CYB5D2: variants seen among roughly 807,000 people sequenced by gnomAD.
CYB5D2 encodes neuferricin.
Under a neutral mutation model 22.8 loss-of-function variants are expected in CYB5D2, and 23 were observed. The observed-to-expected ratio is 1.01, with a 90% CI of 0.73 to 1.43. The LOEUF is 1.43. Ranked by LOEUF, CYB5D2 falls within the 40% of genes most tolerant of loss-of-function variation. CYB5D2 has a pLI of 0.00. For missense variants in CYB5D2, 373 were observed against 357.2 expected, an observed-to-expected ratio of 1.04 and a Z score of -0.36; for synonymous variants, 170 against 152.2, an observed-to-expected ratio of 1.12 and a Z score of -0.86.
chr17:4,147,035 A>G (rs1420385329), intron 1 of CYB5D2, among the ~76,000 whole-genome samples: 1 of 152,202 alleles, frequency 6.6e-6, no homozygotes, highest in African/African-American at 2.4e-5. Context: ...CATTTTATCT[A>G]TCAGTTGATG....
At chr17:4,144,689 G>A (rs1320239174) in intron 1 of CYB5D2, among the ~76,000 whole-genome samples, 1 of 152,210 alleles carries the variant, frequency 6.6e-6, no homozygotes, top group Admixed American at 6.5e-5. Flanking sequence ...TTAAGTTTAT[G>A]CTGGTGTCCC....
intron 1 of CYB5D2, 151 bp downstream of exon 1, chr17:4,144,156 C>T: frequency 3.6e-6 from 4 of 1,117,584 alleles, no homozygotes; most frequent in Non-Finnish European, 3.7e-6. Context: ...GAGCTGCATG[C>T]ACTATCCTTC....
At chr17:4,154,232 G>T (rs965661596) in intron 2 of CYB5D2, among the ~76,000 whole-genome samples, 6 of 152,216 alleles carry the variant, frequency 3.9e-5, no homozygotes, top group Non-Finnish European at 7.3e-5. Flanking sequence ...GATTGCTTGA[G>T]CCCAGAAGTT....
intron 2 of CYB5D2, among the ~76,000 whole-genome samples, chr17:4,153,856 G>T (rs1231737987): frequency 6.6e-6 from 1 of 152,230 alleles, no homozygotes; most frequent in African/African-American, 2.4e-5. Context: ...CAGGGAGGGC[G>T]TTGGACTTGG....
Position 4,154,831 on chromosome 17 carries a change from G to A in CYB5D2, c.549G>A (p.Arg183=). The change falls in exon 3 of 4, where the codon AGG becomes AGA. Residue 183 remains arginine (R), a synonymous_variant. Coordinates refer to ENST00000301391, the MANE Select transcript of CYB5D2 (RefSeq NM_144611.4). The part of the protein sequence containing the change: ...PPCNAEWSSA[R]GSRLWCSQKS... ...GCAACGCGGAGTGGAGCTCAGCCAG[G>A]GGCAGCCGGCTCTGGTGCTCCCAGA... The A allele has an allele frequency of 6.2e-7, 1 of 1,613,954 alleles. No individual in the cohort carries two copies.
intron 2 of CYB5D2, among the ~76,000 whole-genome samples, chr17:4,152,566 C>A (rs1305270793): frequency 6.6e-6 from 1 of 152,136 alleles, no homozygotes; most frequent in Non-Finnish European, 1.5e-5. Flanking sequence ...TCCTCTGTTG[C>A]CTCTGCTACT....
intron 3 of CYB5D2, among the ~76,000 whole-genome samples, chr17:4,156,215 T>G (rs1456558735): frequency 1.3e-5 from 2 of 152,256 alleles, no homozygotes; most frequent in Non-Finnish European, 2.9e-5. Flanking sequence ...CTGAGCCCAG[T>G]GCCCTGAGGT....
chr17:4,145,682 G>A (rs1197844876), intron 1 of CYB5D2, among the ~76,000 whole-genome samples: 2 of 152,158 alleles, frequency 1.3e-5, no homozygotes, highest in Admixed American at 1.3e-4. Flanking sequence ...GCTCCCCACC[G>A]CCCACACAGT....
chr17:4,144,137 G>C, intron 1 of CYB5D2, 132 bp downstream of exon 1: 6 of 1,308,820 alleles, frequency 4.6e-6, no homozygotes, highest in Non-Finnish European at 6.2e-6. Context: ...CCCGTGCGGT[G>C]GGCGGGACGA....
chr17:4,145,498 C>T (rs951433230), intron 1 of CYB5D2, among the ~76,000 whole-genome samples: 2 of 152,158 alleles, frequency 1.3e-5, no homozygotes, highest in Non-Finnish European at 2.9e-5. Flanking sequence ...TGGGAGCTGT[C>T]GTTGGATGTT....
intron 3 of CYB5D2, among the ~76,000 whole-genome samples, chr17:4,155,704 T>TGAGACTCCAGGAGGAG (rs1046898153): frequency 6.6e-6 from 1 of 152,160 alleles, no homozygotes; most frequent in Admixed American, 6.5e-5. Flanking sequence ...CACTGGTCTC[T>TGAGACTCCAGGAGGAG]GAGACTCCAG....
At chr17:4,152,140 A>G (rs553370599) in intron 2 of CYB5D2, among the ~76,000 whole-genome samples, 1 of 152,258 alleles carries the variant, frequency 6.6e-6, no homozygotes, top group African/African-American at 2.4e-5. Context: ...TCTTGTTTGA[A>G]TGATGTATAA....
Position 4,143,699 on chromosome 17 carries a change from C to T in CYB5D2, c.-57C>T. 2 of 1,543,758 alleles carry T rather than the reference C, an allele frequency of 1.3e-6. No individual in the cohort carries two copies. Among genetic ancestry groups the T allele is most frequent in the African/African-American group, 1.4e-5 (1 of 72,786 alleles). On this transcript the variant is annotated 5_prime_UTR_variant, in exon 1 of 4. Transcript: ENST00000301391. ...ACGTCACGCTCGGCGTCTCGGCCAT[C>T]TTAGCTGTAGATAGAGGCGGCAACC...
At chr17:4,145,954 A>G (rs2058986008) in intron 1 of CYB5D2, among the ~76,000 whole-genome samples, 1 of 152,014 alleles carries the variant, frequency 6.6e-6, no homozygotes, top group African/African-American at 2.4e-5. Context: ...GTGCACCATC[A>G]CGTGCAGCTA....
intron 2 of CYB5D2, among the ~76,000 whole-genome samples, chr17:4,152,772 G>GT (rs1425999434): frequency 6.6e-6 from 1 of 152,122 alleles, no homozygotes; most frequent in African/African-American, 2.4e-5. Context: ...ATGCTAAGCT[G>GT]TTTTATTTAT....
chr17:4,145,988 G>A (rs1464718812), intron 1 of CYB5D2, among the ~76,000 whole-genome samples: 2 of 152,186 alleles, frequency 1.3e-5, no homozygotes, highest in Non-Finnish European at 2.9e-5. Flanking sequence ...TTGTAGAGAT[G>A]GGTTTTCGCC....
chr17:4,149,323 A>G lies in CYB5D2; in HGVS notation c.251-568A>G, dbSNP rs573712127. Among the ~76,000 whole-genome samples the G allele has an allele frequency of 7.9e-5, 12 of 152,310 alleles. No individual in the cohort carries two copies. The South Asian group carries it at 2.5e-3, about 32-fold the overall frequency. On this transcript the variant is annotated intron_variant, in intron 1 of 3. Transcript: ENST00000301391. ...CTGGTAGACAGTGAGGAGCTGGAGA[A>G]GTAGGAGGAAAATCAGGCCAAGGGA...
rs117988471 is a variant in CYB5D2 at position 4,143,591 on chromosome 17, A to C, written c.-165A>C. ...CAGCGAGCTTTTCGCCAGTGCCAGG[A>C]ATACAGATAAAACGAGAGAGACTAA... On this transcript the variant is annotated 5_prime_UTR_variant, in exon 1 of 4. Transcript: ENST00000301391. The C allele has an allele frequency of 1.0e-6, 1 of 982,576 alleles. No individual in the cohort carries two copies. Among genetic ancestry groups the C allele is most frequent in the Non-Finnish European group, 1.5e-6 (1 of 681,900 alleles). The allele number at this position is 982,576 out of a possible 1,614,324, so 60.9% of individuals were successfully genotyped here.
In CYB5D2 at chr17:4,157,103, T is replaced by A; in HGVS notation, c.*21T>A. On this transcript the variant is annotated 3_prime_UTR_variant, in exon 4 of 4. Transcript: ENST00000301391. The surrounding 1 kb of genome is among the most constrained non-coding windows in gnomAD (Gnocchi z 4.4). ...TCTAAGCCGTAGCCTCTTCTGTTAA[T>A]AACACACAGAGAGCTCTGCCAAGCA... 6.2e-7 allele frequency: 1 copy of A among 1,611,056 alleles called. No homozygotes were observed. Among genetic ancestry groups the A allele is most frequent in the Non-Finnish European group, 8.5e-7 (1 of 1,179,428 alleles).
Sources: allele counts gnomAD v4.1 joint callset (sites outside exome capture counted in the v4.1 genomes callset), GRCh38; gene constraint gnomAD v4.1.1; non-coding constraint Gnocchi (gnomAD v3.1); transcripts MANE v1.5; gene names NCBI Gene and HGNC (gene_info 2026-07-23, HGNC 2026-07-21).